Variants in STAU2 observed in about 807,000 individuals in gnomAD.
STAU2 encodes the protein staufen double-stranded RNA binding protein 2.
Under a neutral mutation model 65.9 loss-of-function variants are expected in STAU2, and 20 were observed. The observed-to-expected ratio is 0.30, with a 90% CI of 0.21 to 0.44. STAU2 has a LOEUF of 0.44. STAU2 is among the 20% of genes least tolerant of loss of function. The probability of loss-of-function intolerance (pLI) is 1.00; values close to 1 mark genes in which losing one functional copy is unlikely to be tolerated. For synonymous variants in STAU2, 232 were observed against 233.9 expected (o/e 0.99, Z 0.07); for missense variants, 558 against 683.9 (o/e 0.82, Z 2.05).
At chr8:73,735,812 T>C (rs1806394226) in intron 3 of STAU2, among the ~76,000 whole-genome samples, 1 of 152,238 alleles carries the variant, frequency 6.6e-6, no homozygotes, top group African/African-American at 2.4e-5. Context: ...AGCCAGTCAG[T>C]AAATCCTCAT....
At chr8:73,431,524 G>A (rs934455972) in intron 13 of STAU2, among the ~76,000 whole-genome samples, 15 of 152,178 alleles carry the variant, frequency 9.9e-5, no homozygotes, top group Admixed American at 7.9e-4. Context: ...GTGCGTATCT[G>A]TATGTGTGTC....
intron 6 of STAU2, among the ~76,000 whole-genome samples, chr8:73,649,510 T>C (rs912153063): frequency 6.6e-5 from 10 of 152,098 alleles, no homozygotes; most frequent in African/African-American, 2.4e-4. Context: ...AAAAAGATAA[T>C]ACCAGCCCCC....
chr8:73,448,415 T>C (rs1382285162), intron 13 of STAU2, among the ~76,000 whole-genome samples: 2 of 152,234 alleles, frequency 1.3e-5, no homozygotes, highest in Admixed American at 1.3e-4. Flanking sequence ...CCCGAGTAGC[T>C]GGGACTACAG....
chr8:73,471,657 A>G (rs1210958861), intron 13 of STAU2, among the ~76,000 whole-genome samples: 1 of 151,802 alleles, frequency 6.6e-6, no homozygotes, highest in Non-Finnish European at 1.5e-5. Flanking sequence ...TGTCTCTACT[A>G]AAAATACAAA....
At chr8:73,729,573 T>C (rs771619247) in intron 3 of STAU2, among the ~76,000 whole-genome samples, 1 of 152,130 alleles carries the variant, frequency 6.6e-6, no homozygotes, top group East Asian at 1.9e-4. Context: ...ACTGGACTTC[T>C]GATTGGGAGT....
chr8:73,730,172 T>A (rs557511190), intron 3 of STAU2, among the ~76,000 whole-genome samples: 1 of 152,328 alleles, frequency 6.6e-6, no homozygotes, highest in Non-Finnish European at 1.5e-5. Flanking sequence ...AATTTCCCTC[T>A]CAGGACTGTT....
chr8:73,660,019 C>T (rs1816708142), intron 6 of STAU2, among the ~76,000 whole-genome samples: 2 of 151,948 alleles, frequency 1.3e-5, no homozygotes, highest in African/African-American at 4.8e-5. Context: ...AAAAGGATTT[C>T]AATAGCATTA....
At chr8:73,621,900 T>C (rs1229639923) in intron 6 of STAU2, among the ~76,000 whole-genome samples, 1 of 152,024 alleles carries the variant, frequency 6.6e-6, no homozygotes, top group East Asian at 1.9e-4. Context: ...TCAGAGTCCA[T>C]TCAAGGAGAC....
At chr8:73,490,555 T>C (rs1821106998) in intron 13 of STAU2, among the ~76,000 whole-genome samples, 2 of 152,060 alleles carry the variant, frequency 1.3e-5, no homozygotes, top group African/African-American at 4.8e-5. Flanking sequence ...GCAGTTCTCA[T>C]GTTTTAACTC....
intron 13 of STAU2, among the ~76,000 whole-genome samples, chr8:73,442,147 G>T (rs911037736): frequency 2.6e-5 from 4 of 152,078 alleles, no homozygotes; most frequent in Non-Finnish European, 2.9e-5. Flanking sequence ...GAGGTCAGGA[G>T]ATCGAGATCA....
intron 13 of STAU2, among the ~76,000 whole-genome samples, chr8:73,475,850 C>T (rs1820298362): frequency 6.6e-6 from 1 of 152,158 alleles, no homozygotes; most frequent in Non-Finnish European, 1.5e-5. Context: ...AACCAATTTA[C>T]TTTTCATTCT....
chr8:73,563,420 G>C (rs1808377806), intron 12 of STAU2, among the ~76,000 whole-genome samples: 1 of 152,182 alleles, frequency 6.6e-6, no homozygotes, highest in South Asian at 2.1e-4. Flanking sequence ...AGACCATATG[G>C]GGACCAGAAT....
At chr8:73,546,724 G>T (rs964201538) in intron 13 of STAU2, among the ~76,000 whole-genome samples, 1 of 152,032 alleles carries the variant, frequency 6.6e-6, no homozygotes, top group African/African-American at 2.4e-5. Context: ...ACTGTCATTT[G>T]TGGGGAAAAA....
chr8:73,526,720 G>A lies in STAU2; in HGVS notation c.1530+25292C>T, dbSNP rs190375891. 3.3e-5 allele frequency among the ~76,000 whole-genome samples: 5 copies of A among 152,288 alleles called. No homozygotes were observed. The East Asian group carries it at 9.7e-4, about 29-fold the overall frequency. On this transcript the variant is annotated intron_variant, in intron 13 of 14. Transcript: ENST00000524300. Reference sequence around the variant, plus strand: ...AGAAATTCTGTGATTTAGGACATTAGTTTAGTCTAAAGTGATTATTTTAAT... The same window carrying A: ...AGAAATTCTGTGATTTAGGACATTAATTTAGTCTAAAGTGATTATTTTAAT...
chr8:73,669,356 G>A (rs745435759), intron 6 of STAU2, among the ~76,000 whole-genome samples: 1 of 152,160 alleles, frequency 6.6e-6, no homozygotes, highest in South Asian at 2.1e-4. Flanking sequence ...CTTTATTTAT[G>A]ACTTTGGAGA....
chr8:73,422,798 T>A, intron 13 of STAU2, 96 bp from the exon 14 acceptor site: 1 of 689,688 alleles, frequency 1.4e-6, no homozygotes, highest in Non-Finnish European at 2.1e-6. Flanking sequence ...TCATTTTCAT[T>A]AGTCTACATA....
intron 3 of STAU2, among the ~76,000 whole-genome samples, chr8:73,710,008 T>C (rs1820783779): frequency 6.6e-6 from 1 of 152,076 alleles, no homozygotes; most frequent in Non-Finnish European, 1.5e-5. Flanking sequence ...TTTACAATAT[T>C]GCACCAGTTT....
At chr8:73,519,784 C>A (rs1218566872) in intron 13 of STAU2, among the ~76,000 whole-genome samples, 1 of 152,216 alleles carries the variant, frequency 6.6e-6, no homozygotes, top group Non-Finnish European at 1.5e-5. Context: ...AGTGCAAGAG[C>A]ATAAACACTG....
intron 12 of STAU2, chr8:73,561,411 C>A: frequency 2.6e-6 from 1 of 382,480 alleles, no homozygotes; most frequent in Non-Finnish European, 5.1e-6. Flanking sequence ...TTGAGAGCAC[C>A]TTGTGAGGAT....
Sources: allele counts gnomAD v4.1 joint callset (sites outside exome capture counted in the v4.1 genomes callset), GRCh38; gene constraint gnomAD v4.1.1; transcripts MANE v1.5; gene names NCBI Gene and HGNC (gene_info 2026-07-23, HGNC 2026-07-21).